The following STOM variants were observed in gnomAD, a reference collection of about 807,000 sequenced individuals.
STOM encodes the protein stomatin.
Under a neutral mutation model 30.6 loss-of-function variants are expected in STOM, and 25 were observed. The ratio of observed to expected loss-of-function variants is 0.82; its 90% CI spans 0.60 to 1.14. STOM has a LOEUF of 1.14. STOM is among the 50% of genes most tolerant of loss of function. The probability of loss-of-function intolerance (pLI) is 0.00; values close to 1 mark genes in which losing one functional copy is unlikely to be tolerated. For missense variants in STOM, 292 were observed against 365.2 expected (o/e 0.80, Z 1.63); for synonymous variants, 118 against 130.8 (o/e 0.90, Z 0.67).
In STOM at chr9:121,339,818, G is replaced by A; in HGVS notation, c.*1384C>T. The A allele has an allele frequency of 8.3e-7, 1 of 1,204,090 alleles. No individual in the cohort carries two copies. The highest frequency in any genetic ancestry group is 1.0e-6 in the Non-Finnish European group (1 of 971,314). 74.6% of individuals were successfully genotyped at this position (1,204,090 alleles called of 1,614,324 possible). ...AATATACATGATAGAAGAATGACTAGGTAAATTTAAAAAGACCTACATCTA... is the reference window on the plus strand; with the variant it reads ...AATATACATGATAGAAGAATGACTAAGTAAATTTAAAAAGACCTACATCTA... On this transcript the variant is annotated 3_prime_UTR_variant, in exon 7 of 7. Transcript: ENST00000286713.
Position 121,341,107 on chromosome 9 carries a change from C to T in STOM, c.*95G>A. ...TACATTCTGGGAACACCACAATTGA[C>T]ATATGGAAAAAGAAAAGCCCTACCC... is the stretch of plus-strand genomic sequence containing the variant. On this transcript the variant is annotated 3_prime_UTR_variant, in exon 7 of 7. Transcript: ENST00000286713. 6.3e-7 allele frequency: 1 copy of T among 1,580,420 alleles called. No individual in the cohort carries two copies. The highest frequency in any genetic ancestry group is 8.6e-7 in the Non-Finnish European group (1 of 1,162,394).
chr9:121,370,064 C>T (rs2064549346), intron 1 of STOM, 63 bp downstream of exon 1: 1 of 1,459,836 alleles, frequency 6.9e-7, no homozygotes, highest in Non-Finnish European at 9.2e-7. Context: ...TGTCAGACCT[C>T]GGAGCGCACG....
In STOM at chr9:121,349,256, G is replaced by A; in HGVS notation, c.389C>T (p.Thr130Ile). Reference sequence around the variant, plus strand: ...GTTGGTGATATTTGCCACAGCCAGGGTTGCATTCTGAACGCGGTAATAGAC... The same window carrying A: ...GTTGGTGATATTTGCCACAGCCAGGATTGCATTCTGAACGCGGTAATAGAC... ...GVVYYRVQNA[T>I]LAVANITNAD... The change falls in exon 5 of 7, where the codon ACC (threonine) becomes ATC (isoleucine). Residue 130 changes from threonine (T) to isoleucine (I), a missense_variant. Transcript: ENST00000286713. The A allele has an allele frequency of 1.2e-5, 20 of 1,614,094 alleles. No homozygotes were observed. Among genetic ancestry groups the A allele is most frequent in the Non-Finnish European group, 1.7e-5 (20 of 1,180,018 alleles).
intron 6 of STOM, among the ~76,000 whole-genome samples, chr9:121,347,395 T>C (rs1356163664): frequency 1.3e-5 from 2 of 152,010 alleles, no homozygotes; most frequent in African/African-American, 4.8e-5. Flanking sequence ...ATGCCACCCA[T>C]GCAGGGTTAA....
At chr9:121,341,830 G>C (rs1249004496) in intron 6 of STOM, among the ~76,000 whole-genome samples, 2 of 152,158 alleles carry the variant, frequency 1.3e-5, no homozygotes, top group Non-Finnish European at 2.9e-5. Context: ...GAAAGACTGT[G>C]ATATGATTTT....
At chr9:121,355,383 G>A (rs1474199710) in intron 2 of STOM, among the ~76,000 whole-genome samples, 1 of 141,492 alleles carries the variant, frequency 7.1e-6, no homozygotes, top group Non-Finnish European at 1.5e-5. Flanking sequence ...GCAAGGCTCT[G>A]GCTCAAAAAA....
rs1057444971 is a variant in STOM at position 121,348,151 on chromosome 9, T to C, written c.526-2A>G. ...ATCAGTGGCATCATCCAGAGTAGAC[T>C]GTTAGGAAGAGAGAAGGCAAGCTAA... On this transcript the variant is annotated splice_acceptor_variant, in intron 5 of 6. Coordinates refer to ENST00000286713, the MANE Select transcript of STOM (RefSeq NM_004099.6). LOFTEE classifies it high-confidence loss of function. The C allele has an allele frequency of 1.9e-6, 3 of 1,614,100 alleles. No individual in the cohort carries two copies. Among genetic ancestry groups the C allele is most frequent in the South Asian group, 1.1e-5 (1 of 91,086 alleles).
chr9:121,355,113 T>C (rs1448196521), intron 2 of STOM, among the ~76,000 whole-genome samples: 1 of 150,498 alleles, frequency 6.6e-6, no homozygotes, highest in African/African-American at 2.4e-5. Flanking sequence ...ACAAAAATTA[T>C]CCGGGTATGG....
intron 5 of STOM, 109 bp from the exon 6 acceptor site, chr9:121,348,258 G>A: frequency 3.4e-6 from 5 of 1,489,386 alleles, no homozygotes; most frequent in South Asian, 1.2e-5. Context: ...GAGAGTTGTG[G>A]AGAGACAGTT....
chr9:121,364,198 G>T (rs901709761), intron 1 of STOM, among the ~76,000 whole-genome samples: 1 of 152,162 alleles, frequency 6.6e-6, no homozygotes, highest in African/African-American at 2.4e-5. Context: ...CTCGATAAAC[G>T]TATGTTAAAA....
chr9:121,363,223 T>C (rs1326681279), intron 1 of STOM, among the ~76,000 whole-genome samples: 2 of 152,212 alleles, frequency 1.3e-5, no homozygotes, highest in Non-Finnish European at 2.9e-5. Context: ...TGTAAATTGA[T>C]GAGAGCAGTC....
chr9:121,352,536 G>A (rs1038012860), intron 4 of STOM, among the ~76,000 whole-genome samples: 2 of 152,010 alleles, frequency 1.3e-5, no homozygotes, highest in African/African-American at 2.4e-5. Flanking sequence ...TTCAGTCTGC[G>A]GTTGGCTGAA....
chr9:121,358,642 T>C (rs2064420665), intron 1 of STOM, among the ~76,000 whole-genome samples: 1 of 152,154 alleles, frequency 6.6e-6, no homozygotes, highest in African/African-American at 2.4e-5. Flanking sequence ...TAGATCAATA[T>C]GAGATTTTAT....
intron 6 of STOM, 68 bp from the exon 7 acceptor site, chr9:121,341,476 C>T (rs1483104435): frequency 1.0e-5 from 16 of 1,600,208 alleles, no homozygotes; most frequent in African/African-American, 5.4e-5. Context: ...ACTCTTCAAC[C>T]GGGGGTATGT....
rs560709219 is a variant in STOM at position 121,353,640 on chromosome 9, TC to T, written c.239-339del. 6.5e-3 allele frequency among the ~76,000 whole-genome samples: 985 copies of T among 151,996 alleles called. 11 individuals are homozygous for T. Among genetic ancestry groups the T allele is most frequent in the Non-Finnish European group, 0.011 (723 of 67,980 alleles). On this transcript the variant is annotated intron_variant, in intron 3 of 6. Transcript: ENST00000286713. ...ATTTCCTAAGCTGCAAGCCGAGCAA[TC>T]CCCCCTAAAATACAAACCCTCCCCC...
intron 1 of STOM, among the ~76,000 whole-genome samples, chr9:121,361,818 G>A (rs1217796328): frequency 6.6e-6 from 1 of 152,148 alleles, no homozygotes; most frequent in Non-Finnish European, 1.5e-5. Flanking sequence ...GACCAGTTTC[G>A]TGGAAGACAA....
Position 121,340,573 on chromosome 9 carries a change from C to T in STOM, c.*629G>A. The T allele has an allele frequency of 5.0e-6, 3 of 603,230 alleles. No homozygotes were observed. The highest frequency in any genetic ancestry group is 6.2e-6 in the Non-Finnish European group (3 of 481,186). The allele number at this position is 603,230 out of a possible 1,614,324, so 37.4% of individuals were successfully genotyped here. ...CCAACATGGTGAAACCCCGTCTCTA[C>T]TAAAAAACAATAATAATAATACAAA... On this transcript the variant is annotated 3_prime_UTR_variant, in exon 7 of 7. Transcript: ENST00000286713.
At chr9:121,369,206 A>G (rs2064536410) in intron 1 of STOM, among the ~76,000 whole-genome samples, 1 of 152,248 alleles carries the variant, frequency 6.6e-6, no homozygotes, top group African/African-American at 2.4e-5. Context: ...AATAATCAGA[A>G]TAGATGACTC....
At chr9:121,358,267 G>C (rs1164535835) in intron 1 of STOM, among the ~76,000 whole-genome samples, 2 of 152,008 alleles carry the variant, frequency 1.3e-5, no homozygotes, top group African/African-American at 2.4e-5. Flanking sequence ...GACCAGCATG[G>C]GCAACCTAGT....
Sources: gnomAD v4.1 joint callset for allele counts (sites outside exome capture counted in the v4.1 genomes callset) on GRCh38, gnomAD v4.1.1 for gene constraint, MANE v1.5 for transcripts, NCBI Gene and HGNC (gene_info 2026-07-23, HGNC 2026-07-21) for gene names.